The following USP31 variants were observed in gnomAD, a reference collection of about 807,000 sequenced individuals.
USP31 encodes ubiquitin carboxyl-terminal hydrolase 31.
A neutral mutation model predicts 119.4 loss-of-function variants in USP31; 44 were observed. The observed-to-expected ratio is 0.37, with a 90% CI of 0.29 to 0.47. The LOEUF (loss-of-function observed/expected upper bound fraction) is 0.47, where lower values mean the gene tolerates loss of function less well. USP31 is among the 20% of genes least tolerant of loss of function. The pLI is 0.99. For synonymous variants in USP31, 749 were observed against 705.6 expected (o/e 1.06, Z -0.97); for missense variants, 1,643 against 1,730.2 (o/e 0.95, Z 0.89).
Position 23,084,806 on chromosome 16 carries a change from A to T in USP31, c.1830+54T>A, listed in dbSNP as rs1004798998. ...TTTGTTTCTCCACTATCACCTTGCC[A>T]TGCCCCACTCCCCACTGCCCTGAGC... On this transcript the variant is annotated intron_variant, in intron 11 of 15. Coordinates refer to ENST00000219689, the MANE Select transcript of USP31 (RefSeq NM_020718.4). The T allele has an allele frequency of 1.1e-5, 17 of 1,601,788 alleles. No individual in the cohort carries two copies. In the African/African-American group the frequency reaches 2.3e-4, roughly 21 times the overall value.
chr16:23,098,627 T>C (rs918107937), intron 6 of USP31, among the ~76,000 whole-genome samples: 36 of 152,036 alleles, frequency 2.4e-4, no homozygotes, highest in African/African-American at 1.7e-4. Flanking sequence ...CACAGAGATA[T>C]AGACCAATGG....
rs1899970288 is a variant in USP31, at chr16:23,064,111, C to T, written c.*3935G>A. ...CAACTACAAATAATACAAAGTTCCA[C>T]GCACCTCCAGAATACGTGTTTTATT... On this transcript the variant is annotated 3_prime_UTR_variant, in exon 16 of 16. Coordinates refer to ENST00000219689, the MANE Select transcript of USP31 (RefSeq NM_020718.4). 6.6e-6 allele frequency: 1 copy of T among 152,658 alleles called. No individual in the cohort carries two copies. The allele number at this position is 152,658 out of a possible 1,614,324, so 9.5% of individuals were successfully genotyped here.
intron 4 of USP31, 22 bp downstream of exon 4, chr16:23,106,191 A>G (rs747256952): frequency 1.1e-5 from 17 of 1,613,926 alleles, no homozygotes; most frequent in Non-Finnish European, 1.4e-5. Flanking sequence ...TACAGTCTTC[A>G]TTTTACTAAA....
At chr16:23,105,352 T>C (rs1475308076) in intron 5 of USP31, 89 bp downstream of exon 5, 3 of 1,402,290 alleles carry the variant, frequency 2.1e-6, no homozygotes, top group East Asian at 2.5e-5. Flanking sequence ...TATCCAACCA[T>C]ACTTGGCAAA....
At chr16:23,102,527 T>G in intron 5 of USP31, 64 bp from the exon 6 acceptor site, 1 of 1,542,936 alleles carries the variant, frequency 6.5e-7, no homozygotes, top group Non-Finnish European at 8.7e-7. Flanking sequence ...GATCTCCCAA[T>G]TCTATGAACT....
intron 1 of USP31, among the ~76,000 whole-genome samples, chr16:23,144,185 G>A (rs549765089): frequency 6.6e-6 from 1 of 152,238 alleles, no homozygotes; most frequent in Admixed American, 6.5e-5. Context: ...AACTTACAAA[G>A]AAAAGCATTA....
chr16:23,122,262 G>C (rs1902696693), intron 1 of USP31, among the ~76,000 whole-genome samples: 1 of 152,132 alleles, frequency 6.6e-6, no homozygotes, highest in Non-Finnish European at 1.5e-5. Flanking sequence ...ACCACAATGA[G>C]ATACCACTTC....
At chr16:23,145,523 T>C (rs1032302027) in intron 1 of USP31, among the ~76,000 whole-genome samples, 23 of 152,116 alleles carry the variant, frequency 1.5e-4, no homozygotes, top group African/African-American at 5.6e-4. Context: ...TTATAGCCAA[T>C]GAAATATCAG....
At chr16:23,087,048 T>A in intron 9 of USP31, 44 bp downstream of exon 9, 2 of 1,419,450 alleles carry the variant, frequency 1.4e-6, no homozygotes. Context: ...CACATGAATA[T>A]GTGTGAGATT....
At chr16:23,090,591 T>A (rs768032183) in intron 7 of USP31, 33 bp downstream of exon 7, 7 of 1,572,864 alleles carry the variant, frequency 4.5e-6, no homozygotes. Flanking sequence ...TGTTACAGTC[T>A]AGGTACTTAC....
chr16:23,085,685 A>G (rs1470502709), intron 9 of USP31, 23 bp from the exon 10 acceptor site: 1 of 1,572,922 alleles, frequency 6.4e-7, no homozygotes, highest in Non-Finnish European at 8.7e-7. Context: ...GGAAGTGGAG[A>G]GGGAAGCCAC....
intron 1 of USP31, among the ~76,000 whole-genome samples, chr16:23,110,706 C>T (rs1386347456): frequency 6.6e-6 from 1 of 152,146 alleles, no homozygotes; most frequent in East Asian, 1.9e-4. Flanking sequence ...GACTACTCTC[C>T]TCCAAAGTAA....
intron 13 of USP31, among the ~76,000 whole-genome samples, chr16:23,075,618 T>A (rs1330307980): frequency 6.6e-6 from 1 of 152,222 alleles, no homozygotes; most frequent in Non-Finnish European, 1.5e-5. Context: ...ATATTTTTAT[T>A]GTATTCTTAC....
intron 13 of USP31, among the ~76,000 whole-genome samples, chr16:23,077,635 G>A (rs1436753382): frequency 6.6e-6 from 1 of 152,138 alleles, no homozygotes; most frequent in East Asian, 1.9e-4. Context: ...TCGGGGTCTT[G>A]TTGCAGAAAC....
chr16:23,138,546 C>T (rs1383185391), intron 1 of USP31, among the ~76,000 whole-genome samples: 1 of 152,124 alleles, frequency 6.6e-6, no homozygotes, highest in Non-Finnish European at 1.5e-5. Context: ...TTGGTGCCTA[C>T]CTCTGCAGAA....
intron 6 of USP31, among the ~76,000 whole-genome samples, chr16:23,091,938 C>T (rs1002337295): frequency 1.3e-5 from 2 of 152,168 alleles, no homozygotes; most frequent in African/African-American, 4.8e-5. Context: ...ACAATAAACT[C>T]GTTTCCCAGG....
Position 23,090,813 on chromosome 16 carries a change from GAATAA to G in USP31, c.1235-14_1235-10del, listed in dbSNP as rs1169006350. 6.6e-7 allele frequency: 1 copy of G among 1,507,440 alleles called. No individual in the cohort carries two copies. The allele number at this position is 1,507,440 out of a possible 1,614,324, so 93.4% of individuals were successfully genotyped here. A position where few individuals can be genotyped will look rare whatever the true frequency, so the allele number is the denominator to read the frequency against. The stretch of plus-strand genomic sequence containing the variant: ...GTTGTTTAAATGAATTCCTGAAACA[GAATAA>G]AAACAACTCATTTTATCTCTTCAAA... On this transcript the variant is annotated splice_polypyrimidine_tract_variant and intron_variant, in intron 6 of 15. Coordinates refer to ENST00000219689, the MANE Select transcript of USP31 (RefSeq NM_020718.4).
At chr16:23,077,170 T>C (rs535033315) in intron 13 of USP31, among the ~76,000 whole-genome samples, 1 of 152,350 alleles carries the variant, frequency 6.6e-6, no homozygotes, top group South Asian at 2.1e-4. Context: ...TCTAGCTTCT[T>C]TCTCTCCTTG....
rs150959588 is a variant in USP31 at position 23,130,872 on chromosome 16, C to T, written c.633+17766G>A. ...CTAGTAACACACCCAGGTCCTTTCA[C>T]ATAGGTGCTATGGGGTAGTTAGTTC... On this transcript the variant is annotated intron_variant, in intron 1 of 15. Transcript: ENST00000219689. 2.2e-3 allele frequency among the ~76,000 whole-genome samples: 336 copies of T among 152,322 alleles called. 1 individual carries two copies. The highest frequency in any genetic ancestry group is 7.6e-3 in the African/African-American group (317 of 41,580).
Sources: allele counts gnomAD v4.1 joint callset (sites outside exome capture counted in the v4.1 genomes callset), GRCh38; gene constraint gnomAD v4.1.1; transcripts MANE v1.5; gene names NCBI Gene and HGNC (gene_info 2026-07-23, HGNC 2026-07-21).